Variants in ATXN7L1 observed in about 807,000 individuals in gnomAD.
The protein encoded by ATXN7L1 is ataxin 7 like 1, also known as ataxin-7-like protein 1.
ATXN7L1 carries 15 observed loss-of-function variants against 70.8 expected under a neutral mutation model. The ratio of observed to expected loss-of-function variants is 0.21; its 90% CI spans 0.14 to 0.33. The LOEUF (loss-of-function observed/expected upper bound fraction) is 0.33. Ranked by LOEUF, ATXN7L1 falls within the 10% of genes least tolerant of loss-of-function variation. ATXN7L1 has a pLI of 1.00. For synonymous variants in ATXN7L1, 440 were observed against 445.1 expected (o/e 0.99, Z 0.14); for missense variants, 975 against 1,097.1 (o/e 0.89, Z 1.57).
intron 4 of ATXN7L1, among the ~76,000 whole-genome samples, chr7:105,651,203 C>T (rs1222066433): frequency 6.6e-6 from 1 of 152,188 alleles, no homozygotes; most frequent in Non-Finnish European, 1.5e-5. Context: ...ACATATGTGG[C>T]TGCCCTGCCT....
chr7:105,641,781 C>T (rs751751430), intron 5 of ATXN7L1, among the ~76,000 whole-genome samples: 7 of 152,210 alleles, frequency 4.6e-5, no homozygotes, highest in Non-Finnish European at 7.3e-5. Context: ...GGGTGAGCAG[C>T]GCAGGCAGAG....
At chr7:105,752,749 C>A (rs1799356281) in intron 3 of ATXN7L1, among the ~76,000 whole-genome samples, 1 of 152,156 alleles carries the variant, frequency 6.6e-6, no homozygotes, top group Admixed American at 6.5e-5. Flanking sequence ...TAAAATGTGG[C>A]TTTTCTCATT....
At chr7:105,761,968 A>G (rs1800618553) in intron 3 of ATXN7L1, among the ~76,000 whole-genome samples, 1 of 152,196 alleles carries the variant, frequency 6.6e-6, no homozygotes, top group Non-Finnish European at 1.5e-5. Flanking sequence ...GGGAGATAAG[A>G]ACAGACACAG....
chr7:105,733,545 TCCATCCATCCAC>T (rs1563048596), intron 3 of ATXN7L1, among the ~76,000 whole-genome samples: 101 of 128,650 alleles, frequency 7.9e-4, no homozygotes, highest in African/African-American at 1.1e-3. Flanking sequence ...CATCCACCCA[TCCATCCATCCAC>T]CCATCCATCC....
At chr7:105,688,173 C>T (rs1440013476) in intron 3 of ATXN7L1, among the ~76,000 whole-genome samples, 1 of 152,154 alleles carries the variant, frequency 6.6e-6, no homozygotes, top group Non-Finnish European at 1.5e-5. Flanking sequence ...CATACCCTAA[C>T]CCTCACATGC....
chr7:105,657,702 CA>C (rs71155465), intron 4 of ATXN7L1, among the ~76,000 whole-genome samples: 1,546 of 25,996 alleles, frequency 0.059, no homozygotes, highest in Non-Finnish European at 0.069. Flanking sequence ...GACCCTGTCT[CA>C]AAAAAAAAAA....
intron 9 of ATXN7L1, among the ~76,000 whole-genome samples, chr7:105,619,526 ATATATTTTTTTTTTTTTTTTTTT>A (rs1479799402): frequency 4.3e-4 from 7 of 16,430 alleles, no homozygotes; most frequent in Non-Finnish European, 7.2e-4. Context: ...ATATATATAT[ATATATTTTTTTTTTTTTTTTTTT>A]TTTTTTTTTT....
At chr7:105,782,033 A>G (rs1204369) in intron 3 of ATXN7L1, among the ~76,000 whole-genome samples, 1,640 of 152,250 alleles carry the variant, frequency 0.011, 34 homozygotes, top group African/African-American at 0.036. Context: ...GGGTTTCTCC[A>G]TGTTGCCTAG....
intron 2 of ATXN7L1, among the ~76,000 whole-genome samples, chr7:105,864,561 C>T (rs1413537810): frequency 3.3e-5 from 5 of 151,328 alleles, no homozygotes; most frequent in Non-Finnish European, 7.4e-5. Flanking sequence ...GCACGAAGTA[C>T]CCTACAGGAC....
chr7:105,818,658 C>T (rs1809560816), intron 2 of ATXN7L1, among the ~76,000 whole-genome samples: 1 of 152,214 alleles, frequency 6.6e-6, no homozygotes, highest in South Asian at 2.1e-4. Flanking sequence ...AAGGAAGTCC[C>T]CAAAAGTTTG....
At chr7:105,657,299 G>A (rs1321985509) in intron 4 of ATXN7L1, among the ~76,000 whole-genome samples, 1 of 152,048 alleles carries the variant, frequency 6.6e-6, no homozygotes, top group Non-Finnish European at 1.5e-5. Flanking sequence ...AGAGATTAGA[G>A]GAGCCCAATT....
chr7:105,638,409 T>C lies in ATXN7L1; in HGVS notation c.1146A>G (p.Pro382=). ...SLLGSSGSSG[P]EPKVASPAKS... is the part of the protein sequence containing the mutation. ...TTGCAGGGGATGCAACTTTTGGTTC[T>C]GGCCCAGAGCTCCCTGAAGACCCTA... Residue 382 remains proline, a synonymous_variant, in exon 7 of 12, where the codon CCA becomes CCG. Transcript: ENST00000419735. The C allele has an allele frequency of 1.3e-6, 2 of 1,552,288 alleles. No individual in the cohort carries two copies. Among genetic ancestry groups the C allele is most frequent in the Non-Finnish European group, 1.7e-6 (2 of 1,147,100 alleles).
At chr7:105,797,716 A>T (rs537602543) in intron 2 of ATXN7L1, among the ~76,000 whole-genome samples, 1 of 152,326 alleles carries the variant, frequency 6.6e-6, no homozygotes, top group South Asian at 2.1e-4. Context: ...CCTTCTTCTC[A>T]TCTCTCCCAC....
At chr7:105,718,163 T>A (rs1489057078) in intron 3 of ATXN7L1, among the ~76,000 whole-genome samples, 2 of 152,168 alleles carry the variant, frequency 1.3e-5, no homozygotes, top group African/African-American at 2.4e-5. Context: ...ATACAAATCA[T>A]GATAGAGCGG....
chr7:105,750,888 C>G (rs1372628746), intron 3 of ATXN7L1, among the ~76,000 whole-genome samples: 3 of 152,190 alleles, frequency 2.0e-5, no homozygotes, highest in African/African-American at 4.8e-5. Flanking sequence ...GCATTCAAAG[C>G]CTTCCACGAT....
chr7:105,618,303 G>A (rs1011927619), intron 9 of ATXN7L1, among the ~76,000 whole-genome samples: 30 of 152,330 alleles, frequency 2.0e-4, no homozygotes, highest in African/African-American at 7.0e-4. Context: ...GTCACCCCAC[G>A]TGTAGCACCA....
intron 3 of ATXN7L1, among the ~76,000 whole-genome samples, chr7:105,758,514 A>G (rs1451865221): frequency 6.6e-6 from 1 of 152,130 alleles, no homozygotes; most frequent in African/African-American, 2.4e-5. Context: ...CATTGGAAGG[A>G]CTCAAGAGCT....
At chr7:105,849,276 C>T (rs1814524444) in intron 2 of ATXN7L1, among the ~76,000 whole-genome samples, 1 of 152,210 alleles carries the variant, frequency 6.6e-6, no homozygotes, top group Admixed American at 6.5e-5. Flanking sequence ...TCCTTGACAA[C>T]ACCACAACTG....
At chr7:105,824,940 A>G (rs1190043073) in intron 2 of ATXN7L1, among the ~76,000 whole-genome samples, 3 of 151,754 alleles carry the variant, frequency 2.0e-5, no homozygotes, top group African/African-American at 7.2e-5. Context: ...AAAAACAAAA[A>G]AATAAAAAAA....
Sources: gnomAD v4.1 joint callset for allele counts (sites outside exome capture counted in the v4.1 genomes callset) on GRCh38, gnomAD v4.1.1 for gene constraint, MANE v1.5 for transcripts, NCBI Gene and HGNC (gene_info 2026-07-23, HGNC 2026-07-21) for gene names.